Variants in C13orf42 observed in about 807,000 individuals in gnomAD.
C13orf42 encodes chromosome 13 open reading frame 42.
At position 51,111,132 on chromosome 13, in the gene C13orf42, T is replaced by G; in HGVS notation, c.78A>C (p.Gly26=). The change falls in exon 1 of 4, where the codon GGA becomes GGC. Residue 26 remains glycine, a synonymous_variant. Coordinates refer to ENST00000563710, the MANE Select transcript of C13orf42 (RefSeq NM_001351589.3). ...KTAAESPFYE[G]ASPAVKLIRS... ...GAATCAGCTTCACTGCGGGGCTGGC[T>G]CCTTCGTAGAAGGGGCTCTCGGCCG... 2.5e-6 allele frequency: 1 copy of G among 398,644 alleles called. No individual in the cohort carries two copies. The highest frequency in any genetic ancestry group is 4.4e-6 in the Non-Finnish European group (1 of 226,084). The allele number at this position is 398,644 out of a possible 1,614,324, so 24.7% of individuals were successfully genotyped here. A position where few individuals can be genotyped will look rare whatever the true frequency, so the allele number is the denominator to read the frequency against.
intron 1 of C13orf42, among the ~76,000 whole-genome samples, chr13:51,102,320 A>T (rs958005683): frequency 6.6e-6 from 1 of 152,200 alleles, no homozygotes; most frequent in African/African-American, 2.4e-5. Flanking sequence ...TATGCAATTA[A>T]TATACAGACA....
At chr13:51,108,527 C>A (rs572705196) in intron 1 of C13orf42, among the ~76,000 whole-genome samples, 1 of 152,320 alleles carries the variant, frequency 6.6e-6, no homozygotes, top group African/African-American at 2.4e-5. Context: ...ACAGCTGTTT[C>A]TGTCAGAGCC....
intron 1 of C13orf42, among the ~76,000 whole-genome samples, chr13:51,134,263 T>C (rs1167029309): frequency 6.6e-6 from 1 of 151,996 alleles, no homozygotes; most frequent in Non-Finnish European, 1.5e-5. Context: ...TCACTCAGGG[T>C]TCAACATATT....
At chr13:51,169,141 T>G (rs543885885) in intron 1 of C13orf42, among the ~76,000 whole-genome samples, 1 of 152,314 alleles carries the variant, frequency 6.6e-6, no homozygotes, top group African/African-American at 2.4e-5. Flanking sequence ...GAACTTGGTT[T>G]AACAAGCAGA....
At chr13:51,147,866 G>A (rs1953750373) in intron 1 of C13orf42, among the ~76,000 whole-genome samples, 1 of 152,202 alleles carries the variant, frequency 6.6e-6, no homozygotes, top group African/African-American at 2.4e-5. Context: ...ACCTCCAGCA[G>A]GGAGGAACGG....
chr13:51,109,529 G>A (rs1953402434), intron 1 of C13orf42, among the ~76,000 whole-genome samples: 1 of 152,040 alleles, frequency 6.6e-6, no homozygotes, highest in African/African-American at 2.4e-5. Flanking sequence ...CGGGAGGACT[G>A]CTTGAGGTCA....
intron 1 of C13orf42, among the ~76,000 whole-genome samples, chr13:51,157,685 C>G (rs887180431): frequency 6.6e-6 from 1 of 152,150 alleles, no homozygotes; most frequent in Non-Finnish European, 1.5e-5. Flanking sequence ...CCCCTACACA[C>G]GCTTGTACAG....
At position 51,159,365 on chromosome 13, in the gene C13orf42, G is replaced by T. The variant is rs148650029; in HGVS notation, n.136+12888C>A. Among the ~76,000 whole-genome samples the T allele has an allele frequency of 4.2e-3, 646 of 152,308 alleles. 4 individuals carry two copies. Among genetic ancestry groups the T allele is most frequent in the African/African-American group, 0.012 (479 of 41,566 alleles). On this transcript the variant is annotated intron_variant and non_coding_transcript_variant, in intron 1 of 4. Coordinates refer to the C13orf42 transcript ENST00000433280. ...GTCAGGATGAGGACTAGGGAACAGT[G>T]TGGGGGATAGAATGACAAGAAAATA...
chr13:51,116,779 T>C (rs1028905311), intron 1 of C13orf42, among the ~76,000 whole-genome samples: 1 of 152,238 alleles, frequency 6.6e-6, no homozygotes, highest in East Asian at 1.9e-4. Flanking sequence ...TGGGCTTCTG[T>C]TGGATGTGCC....
chr13:51,166,694 A>G (rs188234856), intron 1 of C13orf42, among the ~76,000 whole-genome samples: 2 of 152,274 alleles, frequency 1.3e-5, no homozygotes, highest in East Asian at 3.9e-4. Context: ...CAAATTTACA[A>G]TCTCAAGGTT....
upstream of C13orf42, among the ~76,000 whole-genome samples, chr13:51,115,681 G>A (rs944457827): frequency 1.3e-5 from 2 of 152,162 alleles, no homozygotes; most frequent in East Asian, 1.9e-4. Context: ...GATGGGGAAC[G>A]AAGGAAGAGC....
At chr13:51,089,902 C>A (rs1953165180) in intron 1 of C13orf42, among the ~76,000 whole-genome samples, 1 of 151,860 alleles carries the variant, frequency 6.6e-6, no homozygotes, top group Non-Finnish European at 1.5e-5. Flanking sequence ...AGTTGGAAAG[C>A]AGATGGAGAG....
At chr13:51,134,492 T>C (rs1258138309) in intron 1 of C13orf42, among the ~76,000 whole-genome samples, 1 of 152,228 alleles carries the variant, frequency 6.6e-6, no homozygotes, top group Non-Finnish European at 1.5e-5. Context: ...CTACAAACTC[T>C]AAATCCTTTG....
intron 1 of C13orf42, among the ~76,000 whole-genome samples, chr13:51,126,994 T>C (rs775458609): frequency 3.3e-5 from 5 of 151,848 alleles, no homozygotes; most frequent in Non-Finnish European, 7.4e-5. Flanking sequence ...ATGAAACCCT[T>C]CTCTACAGAA....
chr13:51,140,517 T>G (rs751668537), intron 1 of C13orf42, among the ~76,000 whole-genome samples: 2 of 152,194 alleles, frequency 1.3e-5, no homozygotes, highest in Non-Finnish European at 2.9e-5. Flanking sequence ...CTCCTATCAA[T>G]GCTTGGTACC....
intron 1 of C13orf42, among the ~76,000 whole-genome samples, chr13:51,170,020 G>A: frequency 6.6e-6 from 1 of 152,120 alleles, no homozygotes; most frequent in East Asian, 1.9e-4. Context: ...AAGTGTAAAT[G>A]GCCGGTCCTT....
intron 3 of C13orf42, among the ~76,000 whole-genome samples, 199 bp downstream of exon 3, chr13:51,085,120 G>A (rs1390894423): frequency 2.0e-5 from 3 of 151,296 alleles, no homozygotes; most frequent in Non-Finnish European, 4.4e-5. Context: ...AGTGCACCAG[G>A]CTAGAGTGCA....
At chr13:51,114,653 G>GAT (rs1404870733), upstream of C13orf42, among the ~76,000 whole-genome samples, 2,540 of 84,720 alleles carry the variant, frequency 0.03, 25 homozygotes, top group South Asian at 0.052. Context: ...GATAGAGATA[G>GAT]ACAGACAGAC....
At chr13:51,126,281 G>A (rs569655969) in intron 1 of C13orf42, among the ~76,000 whole-genome samples, 62 of 152,204 alleles carry the variant, frequency 4.1e-4, no homozygotes, top group African/African-American at 1.4e-3. Context: ...AATGCATTGA[G>A]GTGTATTTGT....
Sources: gnomAD v4.1 joint callset for allele counts (sites outside exome capture counted in the v4.1 genomes callset) on GRCh38, gnomAD v4.1.1 for gene constraint, MANE v1.5 for transcripts, NCBI Gene and HGNC (gene_info 2026-07-23, HGNC 2026-07-21) for gene names.